Variants in UCK2 observed in about 807,000 individuals in gnomAD.
UCK2 encodes the protein uridine-cytidine kinase 2.
UCK2 carries 6 observed loss-of-function variants against 30.8 expected under a neutral mutation model. The ratio of observed to expected loss-of-function variants is 0.19; its 90% CI spans 0.11 to 0.38. The LOEUF is 0.38. Ranked by LOEUF, UCK2 falls within the 10% of genes least tolerant of loss-of-function variation. The pLI is 1.00. For synonymous variants in UCK2, 125 were observed against 133.6 expected (o/e 0.94, Z 0.45); for missense variants, 210 against 339.8 (o/e 0.62, Z 3.00).
At chr1:165,906,520 C>T (rs924955566) in intron 6 of UCK2, among the ~76,000 whole-genome samples, 7 of 152,228 alleles carry the variant, frequency 4.6e-5, no homozygotes, top group African/African-American at 1.2e-4. Context: ...GCTTGCACCA[C>T]CACGGTCCAC....
intron 4 of UCK2, among the ~76,000 whole-genome samples, chr1:165,897,074 A>G (rs1334272149): frequency 2.6e-5 from 4 of 152,230 alleles, no homozygotes; most frequent in Non-Finnish European, 5.9e-5. Context: ...TAGGCAACCC[A>G]TGAAGGTGCA....
At chr1:165,846,147 G>T (rs1378320805) in intron 1 of UCK2, among the ~76,000 whole-genome samples, 1 of 151,976 alleles carries the variant, frequency 6.6e-6, no homozygotes, top group Non-Finnish European at 1.5e-5. Flanking sequence ...AAAAAAGAAA[G>T]TAAAAAAAAT....
intron 4 of UCK2, chr1:165,897,921 G>C (rs752911065): frequency 6.6e-6 from 1 of 152,214 alleles, no homozygotes; most frequent in Non-Finnish European, 1.5e-5. Context: ...TTTGTGACTA[G>C]GCTCTTGCGA....
At chr1:165,836,125 G>A (rs1654182467) in intron 1 of UCK2, among the ~76,000 whole-genome samples, 1 of 152,096 alleles carries the variant, frequency 6.6e-6, no homozygotes, top group Admixed American at 6.5e-5. Context: ...CTACTCCGGA[G>A]GCTGAGGCAG....
intron 3 of UCK2, among the ~76,000 whole-genome samples, chr1:165,893,481 T>C (rs1655818995): frequency 6.6e-6 from 1 of 152,242 alleles, no homozygotes; most frequent in South Asian, 2.1e-4. Flanking sequence ...CAGGGTTAAC[T>C]GATTCCATCC....
intron 3 of UCK2, among the ~76,000 whole-genome samples, chr1:165,893,116 C>A (rs1655810367): frequency 6.6e-6 from 1 of 152,092 alleles, no homozygotes; most frequent in Admixed American, 6.5e-5. Context: ...TTGGAACAGC[C>A]CCAGTGAGAG....
chr1:165,865,414 G>A (rs1655023368), intron 1 of UCK2, among the ~76,000 whole-genome samples: 1 of 152,132 alleles, frequency 6.6e-6, no homozygotes, highest in Non-Finnish European at 1.5e-5. Flanking sequence ...CCCCTGCAAA[G>A]CATGGCAAGT....
intron 4 of UCK2, among the ~76,000 whole-genome samples, chr1:165,901,403 A>G (rs556769709): frequency 1.2e-3 from 187 of 152,330 alleles, no homozygotes; most frequent in Non-Finnish European, 2.5e-3. Flanking sequence ...AGCCTGGATC[A>G]TAGCCATGAC....
intron 4 of UCK2, among the ~76,000 whole-genome samples, chr1:165,901,207 G>A (rs537371620): frequency 1.8e-4 from 28 of 152,340 alleles, no homozygotes; most frequent in African/African-American, 6.3e-4. Context: ...GCTGGGCTGG[G>A]TGGGCAAGTC....
At chr1:165,833,787 A>G (rs1235165957) in intron 1 of UCK2, among the ~76,000 whole-genome samples, 1 of 152,174 alleles carries the variant, frequency 6.6e-6, no homozygotes, top group African/African-American at 2.4e-5. Context: ...TTTAAAATCA[A>G]TAAAAAGGGG....
At chr1:165,867,220 C>T (rs1655069886) in intron 1 of UCK2, among the ~76,000 whole-genome samples, 1 of 152,198 alleles carries the variant, frequency 6.6e-6, no homozygotes, top group Non-Finnish European at 1.5e-5. Context: ...TCATCTGAGC[C>T]TTCAGCAAGT....
At chr1:165,863,369 G>A (rs1377970050) in intron 1 of UCK2, among the ~76,000 whole-genome samples, 2 of 152,094 alleles carry the variant, frequency 1.3e-5, no homozygotes, top group Admixed American at 1.3e-4. Flanking sequence ...CAGCATTTTT[G>A]GTGTTCTTTT....
At chr1:165,888,047 A>G (rs1655664610) in intron 1 of UCK2, among the ~76,000 whole-genome samples, 2 of 152,222 alleles carry the variant, frequency 1.3e-5, no homozygotes, top group Non-Finnish European at 2.9e-5. Context: ...CAGCTTGTAT[A>G]ACAGGACGTA....
At chr1:165,831,306 C>G (rs1654040860) in intron 1 of UCK2, among the ~76,000 whole-genome samples, 1 of 151,352 alleles carries the variant, frequency 6.6e-6, no homozygotes, top group African/African-American at 2.4e-5. Flanking sequence ...ATGGCTTGAG[C>G]CTAGGACTTG....
intron 1 of UCK2, among the ~76,000 whole-genome samples, chr1:165,845,010 T>C (rs921749103): frequency 6.6e-6 from 1 of 152,168 alleles, no homozygotes; most frequent in African/African-American, 2.4e-5. Context: ...GCTAGCAAAT[T>C]AATCGAACCT....
chr1:165,830,096 G>T (rs183700154), intron 1 of UCK2, among the ~76,000 whole-genome samples: 56 of 151,642 alleles, frequency 3.7e-4, no homozygotes, highest in African/African-American at 1.2e-3. Flanking sequence ...CCCTCCACCT[G>T]TTGGGCTCAA....
chr1:165,835,368 A>T (rs1361244634), intron 1 of UCK2, among the ~76,000 whole-genome samples: 3 of 146,316 alleles, frequency 2.1e-5, no homozygotes, highest in Non-Finnish European at 4.4e-5. Context: ...AGTTATTATT[A>T]TTATTATTAT....
In UCK2 at chr1:165,908,710, T is replaced by G. The variant is rs2101891289; in HGVS notation, c.*887T>G. On this transcript the variant is annotated 3_prime_UTR_variant, in exon 7 of 7. Transcript: ENST00000367879. Reference sequence around the variant, plus strand: ...AAGGAGAGGGCAGAACTTTGCCTGCTGTCATATCTGAAGAATCACTGGTTC... The same window carrying G: ...AAGGAGAGGGCAGAACTTTGCCTGCGGTCATATCTGAAGAATCACTGGTTC... 1 of 152,422 alleles carries G rather than the reference T, an allele frequency of 6.6e-6. No homozygotes were observed. Among genetic ancestry groups the G allele is most frequent in the South Asian group, 2.1e-4 (1 of 4,826 alleles). 9.4% of individuals were successfully genotyped at this position (152,422 alleles called of 1,614,324 possible).
Position 165,829,643 on chromosome 1 carries a change from G to C in UCK2, c.99+1711G>C, listed in dbSNP as rs191140953. 2.3e-3 allele frequency among the ~76,000 whole-genome samples: 347 copies of C among 152,314 alleles called. 1 individual carries two copies. The highest frequency in any genetic ancestry group is 8.0e-3 in the African/African-American group (333 of 41,572). ...CTAAAAGGTGAATAACTCTGTTATT[G>C]TTCTTCTTGTGTGTTTCTCAGTCGT... On this transcript the variant is annotated intron_variant, in intron 1 of 6. Transcript: ENST00000367879.
Sources: allele counts gnomAD v4.1 joint callset (sites outside exome capture counted in the v4.1 genomes callset), GRCh38; gene constraint gnomAD v4.1.1; transcripts MANE v1.5; gene names NCBI Gene and HGNC (gene_info 2026-07-23, HGNC 2026-07-21).